The following TANGO6 variants were observed in gnomAD, a reference collection of about 807,000 sequenced individuals.
TANGO6 encodes transport and Golgi organization protein 6 homolog.
In TANGO6, 90 loss-of-function variants were observed where a neutral mutation model predicts 114.2. The ratio of observed to expected loss-of-function variants is 0.79; its 90% CI spans 0.66 to 0.94. TANGO6 has a LOEUF of 0.94. TANGO6 is among the 40% of genes least tolerant of loss of function. The pLI is 0.00. For missense variants in TANGO6, 1,274 were observed against 1,315.3 expected (o/e 0.97, Z 0.49); for synonymous variants, 477 against 509.8 (o/e 0.94, Z 0.87).
chr16:69,083,576 T>G lies in TANGO6; in HGVS notation c.3200T>G (p.Leu1067Trp). Reference sequence around the variant, plus strand: ...GACGTGGCCAAGCTCCATGCCCAGTTGGCCCTAGAAGAGCTGGATGACATC... The same window carrying G: ...GACGTGGCCAAGCTCCATGCCCAGTGGGCCCTAGAAGAGCTGGATGACATC... The part of the protein sequence containing the change: ...PDDVAKLHAQ[L>W]ALEELDDIMK... The change falls in exon 18 of 18, where the codon TTG becomes TGG. Residue 1067 changes from leucine to tryptophan, a missense_variant. Transcript: ENST00000261778. 6.2e-7 allele frequency: 1 copy of G among 1,606,730 alleles called. No individual in the cohort carries two copies. The highest frequency in any genetic ancestry group is 1.1e-5 in the South Asian group (1 of 89,378).
At chr16:69,057,944 A>G (rs1003598897) in intron 17 of TANGO6, among the ~76,000 whole-genome samples, 1 of 152,198 alleles carries the variant, frequency 6.6e-6, no homozygotes, top group Non-Finnish European at 1.5e-5. Context: ...CCCACAATGT[A>G]CACAGAACTG....
intron 10 of TANGO6, among the ~76,000 whole-genome samples, chr16:68,907,860 C>T (rs994095430): frequency 6.6e-6 from 1 of 152,146 alleles, no homozygotes; most frequent in Non-Finnish European, 1.5e-5. Flanking sequence ...AAGGGTTAAT[C>T]TTTGCTCTGT....
chr16:68,907,437 T>C lies in TANGO6; in HGVS notation c.1668-6T>C. ...CTACCAAGATAAATTTTACCCTGCA[T>C]TGCAGTGATGAAGATGAAGATGAAG... is the stretch of plus-strand genomic sequence containing the variant. On this transcript the variant is annotated splice_region_variant and splice_polypyrimidine_tract_variant and intron_variant, in intron 9 of 17. Coordinates refer to ENST00000261778, the MANE Select transcript of TANGO6 (RefSeq NM_024562.2). 1.3e-6 allele frequency: 2 copies of C among 1,589,596 alleles called. No individual in the cohort carries two copies. The highest frequency in any genetic ancestry group is 1.7e-6 in the Non-Finnish European group (2 of 1,172,382).
chr16:69,025,913 C>A, intron 16 of TANGO6: 1 of 229,230 alleles, frequency 4.4e-6, no homozygotes, highest in South Asian at 8.1e-5. Flanking sequence ...TCATCCAAAT[C>A]TTAAACTTCT....
chr16:69,059,253 T>A (rs963694544), intron 17 of TANGO6, among the ~76,000 whole-genome samples: 2 of 151,936 alleles, frequency 1.3e-5, no homozygotes, highest in Non-Finnish European at 2.9e-5. Context: ...GTATTTTTAG[T>A]AGAGATGGGG....
intron 2 of TANGO6, among the ~76,000 whole-genome samples, chr16:68,861,676 G>T (rs1187771904): frequency 1.3e-5 from 2 of 152,172 alleles, no homozygotes; most frequent in African/African-American, 4.8e-5. Context: ...AACCAACTAG[G>T]ACGGCAAGAG....
intron 15 of TANGO6, among the ~76,000 whole-genome samples, chr16:69,005,400 A>G (rs1964083439): frequency 6.6e-6 from 1 of 152,218 alleles, no homozygotes; most frequent in African/African-American, 2.4e-5. Context: ...GGGCACCCAG[A>G]CAATGGGAGG....
chr16:68,937,019 G>A (rs1963306140), intron 14 of TANGO6: 1 of 152,180 alleles, frequency 6.6e-6, no homozygotes. Context: ...GTAGATACAA[G>A]ATGAAATTGT....
At chr16:68,949,324 A>G (rs1406343507) in intron 14 of TANGO6, among the ~76,000 whole-genome samples, 2 of 152,062 alleles carry the variant, frequency 1.3e-5, no homozygotes, top group East Asian at 1.9e-4. Context: ...ATGACATTTA[A>G]AAATAGCTTA....
At chr16:69,052,064 T>C (rs1238733108) in intron 17 of TANGO6, among the ~76,000 whole-genome samples, 1 of 148,172 alleles carries the variant, frequency 6.7e-6, no homozygotes, top group Admixed American at 6.7e-5. Flanking sequence ...CCTCCCACCA[T>C]AGCCTCTGAG....
chr16:68,910,248 G>A (rs1272911785), intron 11 of TANGO6, among the ~76,000 whole-genome samples: 1 of 152,190 alleles, frequency 6.6e-6, no homozygotes, highest in Admixed American at 6.5e-5. Context: ...AGCTCCTGCT[G>A]AGAAAATTTG....
intron 14 of TANGO6, among the ~76,000 whole-genome samples, chr16:68,936,789 T>G (rs1963303313): frequency 6.6e-6 from 1 of 151,620 alleles, no homozygotes; most frequent in African/African-American, 2.4e-5. Context: ...ACTACCAGCC[T>G]TCTTTTAAAA....
At chr16:68,912,802 G>A (rs2152187728) in intron 11 of TANGO6, among the ~76,000 whole-genome samples, 1 of 151,424 alleles carries the variant, frequency 6.6e-6, no homozygotes, top group East Asian at 2.0e-4. Flanking sequence ...CCGACCAGGT[G>A]TGGTGGCTCA....
At chr16:68,952,232 G>C (rs773868121) in intron 14 of TANGO6, among the ~76,000 whole-genome samples, 2 of 152,162 alleles carry the variant, frequency 1.3e-5, no homozygotes, top group Admixed American at 6.6e-5. Context: ...GAATTTGAAG[G>C]CAAGTTAAGG....
intron 14 of TANGO6, among the ~76,000 whole-genome samples, chr16:68,963,501 T>C (rs537412691): frequency 1.3e-5 from 2 of 152,238 alleles, no homozygotes; most frequent in Non-Finnish European, 2.9e-5. Flanking sequence ...TTTCTTCTAG[T>C]AATTATTTCT....
At chr16:68,920,395 A>G (rs1963073137) in intron 12 of TANGO6, among the ~76,000 whole-genome samples, 1 of 152,224 alleles carries the variant, frequency 6.6e-6, no homozygotes. Context: ...TACTTGAGAC[A>G]CTGATGGAAG....
At chr16:68,916,374 C>T (rs185570915) in intron 11 of TANGO6, among the ~76,000 whole-genome samples, 2 of 152,202 alleles carry the variant, frequency 1.3e-5, no homozygotes, top group Admixed American at 6.6e-5. Context: ...ATCTAGGTTG[C>T]GCAGTCCTTA....
At chr16:68,957,177 A>G (rs1278103768) in intron 14 of TANGO6, among the ~76,000 whole-genome samples, 1 of 152,116 alleles carries the variant, frequency 6.6e-6, no homozygotes, top group East Asian at 1.9e-4. Flanking sequence ...ATGCATGTAT[A>G]GCAACATAAA....
chr16:69,019,232 A>G (rs1959359678), intron 15 of TANGO6, among the ~76,000 whole-genome samples: 1 of 152,210 alleles, frequency 6.6e-6, no homozygotes, highest in Admixed American at 6.5e-5. Flanking sequence ...GCAGATATGT[A>G]ACTACCTCTC....
Sources: gnomAD v4.1 joint callset for allele counts (sites outside exome capture counted in the v4.1 genomes callset) on GRCh38, gnomAD v4.1.1 for gene constraint, MANE v1.5 for transcripts, NCBI Gene and HGNC (gene_info 2026-07-23, HGNC 2026-07-21) for gene names.